MACROD2: variants seen among roughly 807,000 people sequenced by gnomAD.
MACROD2 encodes the protein ADP-ribose glycohydrolase MACROD2.
A neutral mutation model predicts 70.4 loss-of-function variants in MACROD2; 36 were observed. The observed-to-expected ratio is 0.51, with a 90% CI of 0.39 to 0.68. The LOEUF is 0.68. Among genes scored for constraint, MACROD2 ranks in the 30% least tolerant of loss-of-function variants. The pLI, the probability that MACROD2 is intolerant of heterozygous loss-of-function variation, is 0.00. For missense variants in MACROD2, 496 were observed against 538.4 expected, an observed-to-expected ratio of 0.92 and a Z score of 0.78; for synonymous variants, 172 against 178.8, an observed-to-expected ratio of 0.96 and a Z score of 0.30.
intron 6 of MACROD2, among the ~76,000 whole-genome samples, chr20:15,241,254 A>G (rs1425277724): frequency 6.6e-6 from 1 of 152,184 alleles, no homozygotes; most frequent in African/African-American, 2.4e-5. Context: ...TGTTTTAAGC[A>G]ACTATTATGT....
chr20:14,720,524 G>C (rs2071452526), intron 5 of MACROD2, among the ~76,000 whole-genome samples: 1 of 92,064 alleles, frequency 1.1e-5, no homozygotes, highest in Non-Finnish European at 2.2e-5. Flanking sequence ...TCATTTCCCA[G>C]CTGCCCCACA....
At chr20:15,211,850 G>A (rs575522169) in intron 5 of MACROD2, among the ~76,000 whole-genome samples, 2 of 152,324 alleles carry the variant, frequency 1.3e-5, no homozygotes, top group East Asian at 3.9e-4. Flanking sequence ...AAGTTTTTGT[G>A]TGGACATGTG....
At chr20:15,493,564 G>C (rs987495947) in intron 7 of MACROD2, among the ~76,000 whole-genome samples, 10 of 152,170 alleles carry the variant, frequency 6.6e-5, no homozygotes, top group Non-Finnish European at 1.3e-4. Context: ...AGTGGAATAT[G>C]CTAGAGTTCT....
intron 3 of MACROD2, among the ~76,000 whole-genome samples, chr20:14,231,716 C>T (rs1471861673): frequency 1.3e-5 from 2 of 152,204 alleles, no homozygotes; most frequent in African/African-American, 2.4e-5. Context: ...AATCGCCACA[C>T]TGACTTCCAC....
At chr20:15,925,906 G>A (rs905542480) in intron 10 of MACROD2, among the ~76,000 whole-genome samples, 6 of 152,148 alleles carry the variant, frequency 3.9e-5, no homozygotes, top group African/African-American at 1.4e-4. Flanking sequence ...AACCCATGAA[G>A]CTTGCACCCC....
At chr20:16,024,489 A>G (rs2067048816) in intron 15 of MACROD2, among the ~76,000 whole-genome samples, 1 of 148,208 alleles carries the variant, frequency 6.7e-6, no homozygotes, top group Non-Finnish European at 1.5e-5. Context: ...CAACCCATGC[A>G]GCCATGTTCA....
At chr20:14,538,039 T>C (rs1481404059) in intron 4 of MACROD2, among the ~76,000 whole-genome samples, 5 of 152,238 alleles carry the variant, frequency 3.3e-5, no homozygotes, top group Non-Finnish European at 5.9e-5. Flanking sequence ...TCTCGAGTGC[T>C]TACCATGTTC....
intron 5 of MACROD2, among the ~76,000 whole-genome samples, chr20:15,162,457 A>G (rs2076355481): frequency 6.6e-6 from 1 of 152,090 alleles, no homozygotes; most frequent in Non-Finnish European, 1.5e-5. Flanking sequence ...CCTGCCAGCA[A>G]AGAGAGATGT....
At chr20:15,175,872 G>A (rs1555789712) in intron 5 of MACROD2, among the ~76,000 whole-genome samples, 1 of 152,302 alleles carries the variant, frequency 6.6e-6, no homozygotes, top group East Asian at 1.9e-4. Flanking sequence ...AGTTGATGGG[G>A]CAGGAGCCCA....
At chr20:15,000,941 C>T (rs998440844) in intron 5 of MACROD2, among the ~76,000 whole-genome samples, 2 of 152,120 alleles carry the variant, frequency 1.3e-5, no homozygotes, top group Non-Finnish European at 2.9e-5. Flanking sequence ...AATCTGTGTA[C>T]TGCAAAACAA....
intron 6 of MACROD2, among the ~76,000 whole-genome samples, chr20:15,301,830 T>G (rs1390498282): frequency 1.3e-5 from 2 of 152,146 alleles, no homozygotes; most frequent in African/African-American, 4.8e-5. Flanking sequence ...AGCTTTCCCC[T>G]TCCATCAGTT....
chr20:14,003,805 A>G lies in MACROD2; in HGVS notation c.163+1401A>G, dbSNP rs577141420. Reference sequence around the variant, plus strand: ...TAAAAAAAAAAAAGGTCTGGTTAAGACATCATTGAAAGAGAGGAGAGTGCT... The same window carrying G: ...TAAAAAAAAAAAAGGTCTGGTTAAGGCATCATTGAAAGAGAGGAGAGTGCT... On this transcript the variant is annotated intron_variant, in intron 2 of 17. Coordinates refer to ENST00000684519, the MANE Select transcript of MACROD2 (RefSeq NM_001351661.2). The G allele has an allele frequency of 3.4e-5, 13 of 376,994 alleles. No homozygotes were observed. The East Asian group carries it at 8.9e-4, about 26-fold the overall frequency. 23.4% of individuals were successfully genotyped at this position (376,994 alleles called of 1,614,324 possible).
Position 14,466,002 on chromosome 20 carries a change from A to G in MACROD2, c.272-27477A>G, listed in dbSNP as rs1172287399. 3.3e-5 allele frequency among the ~76,000 whole-genome samples: 5 copies of G among 151,942 alleles called. No individual in the cohort carries two copies. In the South Asian group the frequency reaches 6.2e-4, roughly 19 times the overall value. ...CATTTCAACTTTGGTGAATCTGACA[A>G]TTATGTGTCTTGGAGTTGCTCTTCT... On this transcript the variant is annotated intron_variant, in intron 3 of 17. Coordinates refer to ENST00000684519, the MANE Select transcript of MACROD2 (RefSeq NM_001351661.2).
At chr20:15,576,132 C>A (rs1482498822) in intron 8 of MACROD2, among the ~76,000 whole-genome samples, 1 of 151,886 alleles carries the variant, frequency 6.6e-6, no homozygotes, top group East Asian at 1.9e-4. Context: ...CACTAAAATT[C>A]ACTTCTTTTC....
intron 5 of MACROD2, among the ~76,000 whole-genome samples, chr20:15,140,582 A>G: frequency 6.6e-6 from 1 of 152,106 alleles, no homozygotes. Context: ...CAATAAATTT[A>G]ACTCCTCTAC....
At chr20:15,736,560 G>T (rs56197469) in intron 8 of MACROD2, among the ~76,000 whole-genome samples, 103,507 of 151,990 alleles carry the variant, frequency 0.68, 38,028 homozygotes, top group Non-Finnish European at 0.83. Flanking sequence ...TTTGAGTAGA[G>T]GAGATAATTT....
chr20:14,492,439 C>A (rs2084805554), intron 3 of MACROD2, among the ~76,000 whole-genome samples: 1 of 152,152 alleles, frequency 6.6e-6, no homozygotes, highest in African/African-American at 2.4e-5. Context: ...AATCAGTAAA[C>A]TGTCACATAT....
At chr20:15,355,842 G>C (rs1040562911) in intron 6 of MACROD2, among the ~76,000 whole-genome samples, 1 of 152,134 alleles carries the variant, frequency 6.6e-6, no homozygotes, top group Non-Finnish European at 1.5e-5. Context: ...CAGGAATTAG[G>C]AAAATTTATT....
At chr20:14,328,116 C>G (rs905982708) in intron 3 of MACROD2, among the ~76,000 whole-genome samples, 1 of 152,128 alleles carries the variant, frequency 6.6e-6, no homozygotes, top group African/African-American at 2.4e-5. Flanking sequence ...TCCTCAATCT[C>G]AAACCCATAG....
Sources: gnomAD v4.1 joint callset for allele counts (sites outside exome capture counted in the v4.1 genomes callset) on GRCh38, gnomAD v4.1.1 for gene constraint, MANE v1.5 for transcripts, NCBI Gene and HGNC (gene_info 2026-07-23, HGNC 2026-07-21) for gene names.